NFYB: variants seen among roughly 807,000 people sequenced by gnomAD.
NFYB encodes nuclear transcription factor Y subunit beta, also known as CAAT box DNA-binding protein subunit B.
A neutral mutation model predicts 28.0 loss-of-function variants in NFYB; 13 were observed. That is an observed-to-expected ratio of 0.46 (90% CI 0.30 to 0.74). NFYB has a LOEUF of 0.74. NFYB is among the 30% of genes least tolerant of loss of function. NFYB has a pLI of 0.07. For missense variants in NFYB, 142 were observed against 247.6 expected, an observed-to-expected ratio of 0.57 and a Z score of 2.86; for synonymous variants, 74 against 75.0, an observed-to-expected ratio of 0.99 and a Z score of 0.07.
At chr12:104,119,850 G>A in intron 7 of NFYB, 81 bp from the exon 8 acceptor site, 3 of 867,624 alleles carry the variant, frequency 3.5e-6, no homozygotes, top group South Asian at 3.0e-5. Flanking sequence ...AAAATTCAGT[G>A]AATAAAAAGA....
chr12:104,120,818 G>A (rs1289738926), intron 6 of NFYB, among the ~76,000 whole-genome samples: 4 of 152,012 alleles, frequency 2.6e-5, no homozygotes, highest in African/African-American at 7.3e-5. Context: ...TAACTGAGCA[G>A]CATATAGTTT....
At chr12:104,131,600 C>T (rs1346380408) in intron 2 of NFYB, 4 of 369,434 alleles carry the variant, frequency 1.1e-5, no homozygotes, top group Non-Finnish European at 2.1e-5. Context: ...GCCAGCCATT[C>T]GCCTATATAT....
In NFYB at chr12:104,120,493, A is replaced by C; in HGVS notation, c.512-14T>G. On this transcript the variant is annotated splice_polypyrimidine_tract_variant and intron_variant, in intron 6 of 7. Transcript: ENST00000240055. ...GTAACTGGTTAGCTAAAAGAAAAAAAATTAGTTAAAGAGGGAAATGAACTA... is the reference window on the plus strand; with the variant it reads ...GTAACTGGTTAGCTAAAAGAAAAAACATTAGTTAAAGAGGGAAATGAACTA... 6.3e-7 allele frequency: 1 copy of C among 1,596,398 alleles called. No homozygotes were observed. Among genetic ancestry groups the C allele is most frequent in the South Asian group, 1.1e-5 (1 of 90,696 alleles).
At position 104,124,622 on chromosome 12, in the gene NFYB, A is replaced by G. The variant is rs143443614; in HGVS notation, c.232-1199T>C. On this transcript the variant is annotated intron_variant, in intron 4 of 7. Coordinates refer to ENST00000240055, the MANE Select transcript of NFYB (RefSeq NM_006166.4). ...ATTTAATTTAACCCAATATAGCCAA[A>G]TTCTTACCATTTAAACATAGAATCA... 1.7e-3 allele frequency among the ~76,000 whole-genome samples: 260 copies of G among 152,328 alleles called. 2 individuals are homozygous for G. Among genetic ancestry groups the G allele is most frequent in the African/African-American group, 5.9e-3 (245 of 41,586 alleles).
At chr12:104,121,546 C>G (rs1703631784) in intron 5 of NFYB, among the ~76,000 whole-genome samples, 1 of 152,124 alleles carries the variant, frequency 6.6e-6, no homozygotes, top group African/African-American at 2.4e-5. Flanking sequence ...ACCTAGAAAG[C>G]AAAGTATTTA....
chr12:104,132,588 T>C (rs1184452427), intron 2 of NFYB, among the ~76,000 whole-genome samples: 1 of 152,018 alleles, frequency 6.6e-6, no homozygotes, highest in East Asian at 1.9e-4. Context: ...GCAGAACAAC[T>C]AGACAGCTTT....
Position 104,119,825 on chromosome 12 carries a change from C to T in NFYB, c.592-56G>A, listed in dbSNP as rs572013116. ...TTAAAGAAAAGGAGATTAAAAGTAC[C>T]ATATGCATATTATAAAAATTCAGTG... On this transcript the variant is annotated intron_variant, in intron 7 of 7. Coordinates refer to ENST00000240055, the MANE Select transcript of NFYB (RefSeq NM_006166.4). The T allele has an allele frequency of 3.7e-6, 4 of 1,075,316 alleles. No homozygotes were observed. The African/African-American group carries it at 4.7e-5, about 13-fold the overall frequency. 66.6% of individuals were successfully genotyped at this position (1,075,316 alleles called of 1,614,324 possible). A position where few individuals can be genotyped will look rare whatever the true frequency, so the allele number is the denominator to read the frequency against.
rs2030391142 is a variant in NFYB at position 104,119,672 on chromosome 12, GTC to G, written c.*63_*64del. 2 of 1,173,884 alleles carry G rather than the reference GTC, an allele frequency of 1.7e-6. No homozygotes were observed. The highest frequency in any genetic ancestry group is 1.2e-6 in the Non-Finnish European group (1 of 802,476). 72.7% of individuals were successfully genotyped at this position (1,173,884 alleles called of 1,614,324 possible). A position where few individuals can be genotyped will look rare whatever the true frequency, so the allele number is the denominator to read the frequency against. ...CTTTTCACCAGTCTTTCCTTCTGAT[GTC>G]TCTGTTCCAGAATCATACAGACTCT... On this transcript the variant is annotated 3_prime_UTR_variant, in exon 8 of 8. Coordinates refer to ENST00000240055, the MANE Select transcript of NFYB (RefSeq NM_006166.4).
intron 3 of NFYB, among the ~76,000 whole-genome samples, chr12:104,126,834 A>G (rs1333144081): frequency 6.6e-6 from 1 of 152,238 alleles, no homozygotes; most frequent in African/African-American, 2.4e-5. Context: ...TTTATGTAAA[A>G]GTCTATATAA....
rs181976999 is a variant in NFYB, at chr12:104,136,559, C to A, written c.-79-1027G>T. Among the ~76,000 whole-genome samples the A allele has an allele frequency of 3.1e-3, 474 of 152,168 alleles. 3 individuals carry two copies. The highest frequency in any genetic ancestry group is 0.011 in the African/African-American group (441 of 41,506). ...TGCTCAGAAAAGTCCTTCCTTGTAACGAGAAATGTTATTTTTTAAAGAGTG... is the reference window on the plus strand; with the variant it reads ...TGCTCAGAAAAGTCCTTCCTTGTAAAGAGAAATGTTATTTTTTAAAGAGTG... On this transcript the variant is annotated intron_variant, in intron 1 of 7. Transcript: ENST00000240055.
intron 2 of NFYB, among the ~76,000 whole-genome samples, chr12:104,128,849 G>T (rs1168322996): frequency 6.6e-6 from 1 of 151,758 alleles, no homozygotes; most frequent in Non-Finnish European, 1.5e-5. Context: ...TGTATTTTTA[G>T]CAGAGACAGG....
At chr12:104,136,621 T>C (rs1028259162) in intron 1 of NFYB, among the ~76,000 whole-genome samples, 19 of 152,124 alleles carry the variant, frequency 1.2e-4, no homozygotes, top group Non-Finnish European at 1.0e-4. Context: ...ACTTAAAACA[T>C]GGGAGCTATA....
chr12:104,123,545 T>A (rs2030563966), intron 4 of NFYB, 122 bp from the exon 5 acceptor site: 1 of 712,492 alleles, frequency 1.4e-6, no homozygotes, highest in East Asian at 2.7e-5. Flanking sequence ...ATCTCTTAAA[T>A]ATATGTTATA....
intron 7 of NFYB, 148 bp downstream of exon 7, chr12:104,120,252 A>C: frequency 1.7e-6 from 1 of 580,032 alleles, no homozygotes; most frequent in Non-Finnish European, 3.1e-6. Flanking sequence ...ACAGGGTTTC[A>C]CCATGTTGGC....
chr12:104,126,562 G>C (rs570013751), intron 3 of NFYB, among the ~76,000 whole-genome samples: 1 of 152,206 alleles, frequency 6.6e-6, no homozygotes, highest in South Asian at 2.1e-4. Context: ...TAAAATGTAA[G>C]TGCTTCTCTA....
chr12:104,119,762 C>G lies in NFYB; in HGVS notation c.599G>C (p.Gly200Ala). 6.3e-7 allele frequency: 1 copy of G among 1,599,100 alleles called. No individual in the cohort carries two copies. The highest frequency in any genetic ancestry group is 1.7e-5 in the Admixed American group (1 of 59,870). ...VYTTSYQQIS[G>A]VQQIQFS ...TCATGAAAACTGAATTTGCTGAACACCAGAAATCTAAGATTAGAAAATTTA... is the reference window on the plus strand; with the variant it reads ...TCATGAAAACTGAATTTGCTGAACAGCAGAAATCTAAGATTAGAAAATTTA... Residue 200 changes from glycine to alanine, a missense_variant, in exon 8 of 8, where the codon GGT becomes GCT. This residue lies in a region of NFYB where 88 missense variants were observed against 189.5 expected (regional missense o/e 0.46). Transcript: ENST00000240055.
In NFYB at chr12:104,119,551, A is replaced by G. The variant is rs1399222604; in HGVS notation, c.*186T>C. The stretch of plus-strand genomic sequence containing the variant: ...CTTTAAAATCCAAATTTTTCTTTAA[A>G]ATCATTCATGAAAAAGATTCTCAAG... On this transcript the variant is annotated 3_prime_UTR_variant, in exon 8 of 8. Transcript: ENST00000240055. The G allele has an allele frequency of 2.0e-6, 1 of 488,154 alleles. No homozygotes were observed. Among genetic ancestry groups the G allele is most frequent in the East Asian group, 3.0e-5 (1 of 33,378 alleles). 30.2% of individuals were successfully genotyped at this position (488,154 alleles called of 1,614,324 possible).
At chr12:104,128,605 G>A in intron 2 of NFYB, 88 bp from the exon 3 acceptor site, 2 of 773,056 alleles carry the variant, frequency 2.6e-6, no homozygotes, top group East Asian at 2.6e-5. Context: ...ACAGGATGAT[G>A]CATCAATTAT....
At chr12:104,134,628 G>T (rs947415968) in intron 2 of NFYB, among the ~76,000 whole-genome samples, 4 of 152,032 alleles carry the variant, frequency 2.6e-5, no homozygotes, top group Non-Finnish European at 5.9e-5. Flanking sequence ...ATTCTCAAAG[G>T]TTCCTAAAGG....
Sources: allele counts gnomAD v4.1 joint callset (sites outside exome capture counted in the v4.1 genomes callset), GRCh38; gene constraint gnomAD v4.1.1; regional missense constraint gnomAD v4.1.1; transcripts MANE v1.5; gene names NCBI Gene and HGNC (gene_info 2026-07-23, HGNC 2026-07-21).